PCDH15: variants seen among roughly 807,000 people sequenced by gnomAD.
PCDH15 encodes the protein protocadherin-15.
In PCDH15, 129 loss-of-function variants were observed where a neutral mutation model predicts 178.5. The observed-to-expected ratio is 0.72, with a 90% CI of 0.63 to 0.84. The LOEUF is 0.84. Ranked by LOEUF, PCDH15 falls within the 40% of genes least tolerant of loss-of-function variation. The probability of loss-of-function intolerance (pLI) is 0.00; values close to 1 mark genes in which losing one functional copy is unlikely to be tolerated. For missense variants in PCDH15, 2,230 were observed against 2,099.9 expected (o/e 1.06, Z -1.21); for synonymous variants, 800 against 732.0 (o/e 1.09, Z -1.50).
At chr10:54,110,386 CAT>C (rs2132694223) in intron 15 of PCDH15, among the ~76,000 whole-genome samples, 1 of 149,746 alleles carries the variant, frequency 6.7e-6, no homozygotes, top group East Asian at 1.9e-4. Flanking sequence ...AGTGTGAACT[CAT>C]AGGTATATAT....
At chr10:55,273,684 T>C (rs1842509311) in intron 1 of PCDH15, among the ~76,000 whole-genome samples, 1 of 152,040 alleles carries the variant, frequency 6.6e-6, no homozygotes, top group African/African-American at 2.4e-5. Context: ...CGCTTTCTGT[T>C]AGAACTTTCC....
chr10:54,314,161 A>T, intron 8 of PCDH15, among the ~76,000 whole-genome samples: 1 of 143,458 alleles, frequency 7.0e-6, no homozygotes, highest in Non-Finnish European at 1.6e-5. Context: ...ACACACACAC[A>T]CACGCAATAC....
chr10:54,871,568 G>A (rs1292263375), intron 3 of PCDH15, among the ~76,000 whole-genome samples: 1 of 151,916 alleles, frequency 6.6e-6, no homozygotes. Flanking sequence ...TCACAAATGG[G>A]AAAATTCCAT....
intron 2 of PCDH15, among the ~76,000 whole-genome samples, chr10:55,427,986 T>C (rs1380450457): frequency 1.4e-5 from 2 of 147,830 alleles, no homozygotes; most frequent in Non-Finnish European, 3.0e-5. Context: ...GGGAAAAATA[T>C]CTAATTTTGA....
At chr10:54,960,655 A>G (rs768343988) in intron 2 of PCDH15, among the ~76,000 whole-genome samples, 17 of 152,210 alleles carry the variant, frequency 1.1e-4, no homozygotes, top group Non-Finnish European at 2.1e-4. Context: ...TCTCAACCCA[A>G]TATTAAGAAG....
intron 3 of PCDH15, among the ~76,000 whole-genome samples, chr10:54,425,089 T>C (rs1022869549): frequency 6.6e-6 from 1 of 151,900 alleles, no homozygotes; most frequent in South Asian, 2.1e-4. Flanking sequence ...GGATACCAGA[T>C]GTAAACATCC....
At chr10:54,822,951 G>A (rs567995941) in intron 3 of PCDH15, among the ~76,000 whole-genome samples, 4 of 151,592 alleles carry the variant, frequency 2.6e-5, no homozygotes, top group East Asian at 1.9e-4. Context: ...GCAAAATCTC[G>A]GCTCACTGCA....
At chr10:53,948,681 T>C (rs1455174379) in intron 23 of PCDH15, among the ~76,000 whole-genome samples, 1 of 152,148 alleles carries the variant, frequency 6.6e-6, no homozygotes, top group Non-Finnish European at 1.5e-5. Flanking sequence ...TCCATGGAGA[T>C]TGTGGAAGCA....
In PCDH15 at chr10:53,806,562, A is replaced by ATCTT. The variant is rs1554814584; in HGVS notation, c.*13_*16dup. 15 of 1,543,088 alleles carry ATCTT rather than the reference A, an allele frequency of 9.7e-6. No individual in the cohort carries two copies. The highest frequency in any genetic ancestry group is 2.3e-5 in the East Asian group (1 of 42,702). On this transcript the variant is annotated 3_prime_UTR_variant, in exon 38 of 38. Transcript: ENST00000644397. ...AATGTAAGTAAAAATTAATTAAAAT[A>ATCTT]TCTTTTAAAAAATTGGTCACAGTTT...
At chr10:54,866,047 A>C (rs1187689134) in intron 3 of PCDH15, among the ~76,000 whole-genome samples, 1 of 152,180 alleles carries the variant, frequency 6.6e-6, no homozygotes, top group African/African-American at 2.4e-5. Flanking sequence ...ATAGATGAGA[A>C]ACTTTTCTTT....
Position 54,718,147 on chromosome 10 carries a change from A to G in PCDH15, c.-28-53857T>C, listed in dbSNP as rs567227693. Among the ~76,000 whole-genome samples the G allele has an allele frequency of 2.7e-5, 4 of 149,614 alleles. No homozygotes were observed. The East Asian group carries it at 7.8e-4, about 29-fold the overall frequency. On this transcript the variant is annotated intron_variant, in intron 1 of 37. Coordinates refer to ENST00000644397, the MANE Select transcript of PCDH15 (RefSeq NM_001384140.1). ...GAGAGGGGAGGGATAGCATTGGGAG[A>G]TATACCTAATGCTAGGTGACGAGTT...
At chr10:55,434,081 T>TTTC (rs1838965089) in intron 2 of PCDH15, among the ~76,000 whole-genome samples, 1 of 126,508 alleles carries the variant, frequency 7.9e-6, no homozygotes, top group Non-Finnish European at 1.6e-5. Flanking sequence ...TCTTTTCTTT[T>TTTC]TTTTTTTTTT....
At chr10:54,686,505 G>T (rs543685544) in intron 1 of PCDH15, among the ~76,000 whole-genome samples, 1 of 152,060 alleles carries the variant, frequency 6.6e-6, no homozygotes, top group Admixed American at 6.6e-5. Flanking sequence ...ACATCATGAA[G>T]CTTTTCCCTC....
At chr10:53,953,161 T>C (rs1284145379) in intron 23 of PCDH15, among the ~76,000 whole-genome samples, 2 of 152,224 alleles carry the variant, frequency 1.3e-5, no homozygotes, top group East Asian at 1.9e-4. Context: ...TTGCAGCAAA[T>C]GCTCCAGACA....
chr10:54,086,729 C>G (rs2094522879), intron 16 of PCDH15, among the ~76,000 whole-genome samples: 2 of 152,118 alleles, frequency 1.3e-5, no homozygotes, highest in South Asian at 4.1e-4. Flanking sequence ...GAATGATCAT[C>G]AAAAGGGATC....
intron 3 of PCDH15, among the ~76,000 whole-genome samples, chr10:54,415,403 G>A (rs930001356): frequency 2.0e-5 from 3 of 151,790 alleles, no homozygotes; most frequent in African/African-American, 4.8e-5. Flanking sequence ...ATCAGACAGA[G>A]AAGGAGGTAA....
In PCDH15 at chr10:54,253,027, A is replaced by G. The variant is rs189021993; in HGVS notation, c.877-16096T>C. Reference sequence around the variant, plus strand: ...AAGGTATTGATTGAATTATGGGAGTAAAATAATTACAACATGTTATAAAGC... The same window carrying G: ...AAGGTATTGATTGAATTATGGGAGTGAAATAATTACAACATGTTATAAAGC... On this transcript the variant is annotated intron_variant, in intron 8 of 37. Transcript: ENST00000644397. Among the ~76,000 whole-genome samples the G allele has an allele frequency of 3.9e-5, 6 of 152,174 alleles. 1 individual carries two copies. The East Asian group carries it at 9.7e-4, about 24-fold the overall frequency.
intron 2 of PCDH15, among the ~76,000 whole-genome samples, chr10:55,426,682 A>C (rs1412763466): frequency 1.3e-5 from 2 of 152,138 alleles, no homozygotes; most frequent in Non-Finnish European, 2.9e-5. Context: ...GGTGGTATCC[A>C]AGCTCTTGTC....
chr10:55,438,167 GA>G (rs1839092065), intron 2 of PCDH15, among the ~76,000 whole-genome samples: 1 of 145,286 alleles, frequency 6.9e-6, no homozygotes, highest in African/African-American at 2.6e-5. Flanking sequence ...CTATATTTAA[GA>G]AAAAAACAAA....
Sources: gnomAD v4.1 joint callset for allele counts (sites outside exome capture counted in the v4.1 genomes callset) on GRCh38, gnomAD v4.1.1 for gene constraint, MANE v1.5 for transcripts, NCBI Gene and HGNC (gene_info 2026-07-23, HGNC 2026-07-21) for gene names.